GABRG3: variants seen among roughly 807,000 people sequenced by gnomAD.
GABRG3 encodes gamma-aminobutyric acid type A receptor subunit gamma3, also known as gamma-aminobutyric acid receptor subunit gamma-3.
GABRG3 carries 25 observed loss-of-function variants against 48.8 expected under a neutral mutation model. The ratio of observed to expected loss-of-function variants is 0.51; its 90% CI spans 0.37 to 0.72. GABRG3 has a LOEUF of 0.72. Ranked by LOEUF, GABRG3 falls within the 30% of genes least tolerant of loss-of-function variation. The pLI is 0.00. For missense variants in GABRG3, 394 were observed against 577.9 expected (o/e 0.68, Z 3.26); for synonymous variants, 227 against 217.6 (o/e 1.04, Z -0.38).
At chr15:27,489,391 C>A (rs1890295295) in intron 6 of GABRG3, among the ~76,000 whole-genome samples, 1 of 152,162 alleles carries the variant, frequency 6.6e-6, no homozygotes, top group Admixed American at 6.5e-5. Context: ...TGGGTATATA[C>A]CCAGTTACGG....
rs1566800842 is a variant in GABRG3 at position 27,351,874 on chromosome 15, G to GT, written c.574+22987dup. Among the ~76,000 whole-genome samples the GT allele has an allele frequency of 2.0e-5, 3 of 149,150 alleles. No individual in the cohort carries two copies. In the East Asian group the frequency reaches 6.1e-4, roughly 30 times the overall value. The stretch of plus-strand genomic sequence containing the variant: ...TGGTGTGTTTGTGTATGGTGTGTGC[G>GT]TATGTATGATGTGTGTGTATGGTGT... On this transcript the variant is annotated intron_variant, in intron 5 of 9. Transcript: ENST00000615808.
At chr15:26,992,481 A>G (rs930788819) in intron 2 of GABRG3, among the ~76,000 whole-genome samples, 4 of 152,112 alleles carry the variant, frequency 2.6e-5, no homozygotes, top group Non-Finnish European at 4.4e-5. Context: ...TGAAGTGATC[A>G]TATGTTTTTT....
chr15:27,049,182 G>A (rs540522829), intron 3 of GABRG3, among the ~76,000 whole-genome samples: 5 of 152,240 alleles, frequency 3.3e-5, no homozygotes, highest in Non-Finnish European at 7.3e-5. Context: ...GTGCGTAACC[G>A]TTTTTGATTA....
In GABRG3 at chr15:27,146,379, C is replaced by G. The variant is rs562463534; in HGVS notation, c.270+119558C>G. Reference sequence around the variant, plus strand: ...GGCTGAGGCAGGAGAATGGCTTGAACCTGGGATGCGGAGCTTGCAGTGAGC... The same window carrying G: ...GGCTGAGGCAGGAGAATGGCTTGAAGCTGGGATGCGGAGCTTGCAGTGAGC... On this transcript the variant is annotated intron_variant, in intron 3 of 9. Transcript: ENST00000615808. Among the ~76,000 whole-genome samples the G allele has an allele frequency of 2.6e-5, 4 of 152,258 alleles. No homozygotes were observed. The South Asian group carries it at 8.3e-4, about 32-fold the overall frequency.
chr15:27,477,120 A>T (rs1380517332), intron 5 of GABRG3, among the ~76,000 whole-genome samples: 1 of 152,192 alleles, frequency 6.6e-6, no homozygotes, highest in Non-Finnish European at 1.5e-5. Context: ...ATCCACAAAA[A>T]ACTTGCACCT....
intron 3 of GABRG3, among the ~76,000 whole-genome samples, chr15:27,076,209 TGGCAGGTGGAAAGTGATGTCCCCC>T (rs1293619068): frequency 1.3e-5 from 2 of 152,094 alleles, no homozygotes; most frequent in Non-Finnish European, 2.9e-5. Flanking sequence ...CCCAGTCCTT[TGGCAGGTGGAAAGTGATGTCCCCC>T]AAAACATCCA....
At chr15:27,070,122 C>A (rs568785047) in intron 3 of GABRG3, among the ~76,000 whole-genome samples, 8 of 152,346 alleles carry the variant, frequency 5.3e-5, no homozygotes, top group South Asian at 2.1e-4. Flanking sequence ...AGTCCTCCCC[C>A]ACGTGAGGAC....
chr15:27,068,277 T>G (rs1896771688), intron 3 of GABRG3, among the ~76,000 whole-genome samples: 1 of 152,204 alleles, frequency 6.6e-6, no homozygotes, highest in South Asian at 2.1e-4. Flanking sequence ...AGCCAGGTGC[T>G]GGGGGAGATG....
chr15:27,392,011 A>AAATT (rs2140577338), intron 5 of GABRG3, among the ~76,000 whole-genome samples: 1 of 152,336 alleles, frequency 6.6e-6, no homozygotes, highest in African/African-American at 2.4e-5. Flanking sequence ...TTGCTGTGAC[A>AAATT]TATACCACTG....
chr15:27,216,733 C>A (rs74921282), intron 3 of GABRG3, among the ~76,000 whole-genome samples: 1 of 103,898 alleles, frequency 9.6e-6, no homozygotes. Context: ...CAATTCATTT[C>A]TTTTTTTTTT....
In GABRG3 at chr15:27,538,586, G is replaced by T. The variant is rs180830016; in HGVS notation, c.*5705G>T. The T allele has an allele frequency of 6.6e-6, 1 of 152,222 alleles. No individual in the cohort carries two copies. The highest frequency in any genetic ancestry group is 2.4e-5 in the African/African-American group (1 of 41,450). The allele number at this position is 152,222 out of a possible 1,614,324, so 9.4% of individuals were successfully genotyped here. A position where few individuals can be genotyped will look rare whatever the true frequency, so the allele number is the denominator to read the frequency against. On this transcript the variant is annotated 3_prime_UTR_variant, in exon 10 of 10. Transcript: ENST00000615808. Reference sequence around the variant, plus strand: ...CAGTGAGCAGGCTACACAATGTGAGGATGATAATGGTTCCTGCAGGGAAGC... The same window carrying T: ...CAGTGAGCAGGCTACACAATGTGAGTATGATAATGGTTCCTGCAGGGAAGC...
chr15:27,334,925 C>A (rs1893914920), intron 5 of GABRG3, among the ~76,000 whole-genome samples: 1 of 152,116 alleles, frequency 6.6e-6, no homozygotes, highest in Non-Finnish European at 1.5e-5. Context: ...TTTGGTCTAC[C>A]AAAAGCTTGT....
Position 27,532,694 on chromosome 15 carries a change from A to G in GABRG3, c.1217A>G (p.Tyr406Cys), listed in dbSNP as rs768156599. The change falls in exon 10 of 10, where the codon TAT becomes TGT. Residue 406 changes from tyrosine (Y) to cysteine (C), a missense_variant. Tyr to Cys is a radical substitution (Grantham distance 194). Around this residue, in one of 3 missense-constraint regions of GABRG3, gnomAD observed 126 missense variants for 155.5 expected, o/e 0.81. Coordinates refer to ENST00000615808, the MANE Select transcript of GABRG3 (RefSeq NM_033223.5). ...CAGGAATTTGAAGATACCTGTGTCT[A>G]TGAGTGTCTGGATGGCAAAGACTGT... ...YWQEFEDTCV[Y>C]ECLDGKDCQS... 26 of 1,613,882 alleles carry G rather than the reference A, an allele frequency of 1.6e-5. No homozygotes were observed. The Admixed American group carries it at 1.7e-4, about 10-fold the overall frequency.
At chr15:27,274,603 C>G (rs930729935) in intron 3 of GABRG3, among the ~76,000 whole-genome samples, 4 of 152,132 alleles carry the variant, frequency 2.6e-5, no homozygotes, top group African/African-American at 7.2e-5. Flanking sequence ...TTCCATACCA[C>G]CACACTGGGG....
chr15:27,509,644 G>A (rs1439345874), intron 6 of GABRG3, among the ~76,000 whole-genome samples: 2 of 152,108 alleles, frequency 1.3e-5, no homozygotes, highest in East Asian at 1.9e-4. Context: ...TCAAAAGCAT[G>A]CTTAACCTCT....
At chr15:27,253,859 A>G (rs1375953498) in intron 3 of GABRG3, among the ~76,000 whole-genome samples, 1 of 152,228 alleles carries the variant, frequency 6.6e-6, no homozygotes, top group Non-Finnish European at 1.5e-5. Flanking sequence ...CTTTATTTTC[A>G]GCTTCTCGCA....
At chr15:27,036,605 G>T (rs780708875) in intron 3 of GABRG3, among the ~76,000 whole-genome samples, 1 of 152,078 alleles carries the variant, frequency 6.6e-6, no homozygotes, top group Non-Finnish European at 1.5e-5. Context: ...CAGGAGAATC[G>T]CTTGAACCTG....
At chr15:27,326,648 A>G (rs1402252825) in intron 3 of GABRG3, among the ~76,000 whole-genome samples, 161 bp from the exon 4 acceptor site, 1 of 152,242 alleles carries the variant, frequency 6.6e-6, no homozygotes, top group East Asian at 1.9e-4. Flanking sequence ...ATTGGTCATC[A>G]TTCACTGAGT....
At chr15:27,097,642 C>T (rs763111350) in intron 3 of GABRG3, among the ~76,000 whole-genome samples, 12 of 152,054 alleles carry the variant, frequency 7.9e-5, no homozygotes, top group Non-Finnish European at 1.3e-4. Flanking sequence ...TTAACTGGTG[C>T]GATTCTGTCT....
Sources: allele counts gnomAD v4.1 joint callset (sites outside exome capture counted in the v4.1 genomes callset), GRCh38; gene constraint gnomAD v4.1.1; regional missense constraint gnomAD v4.1.1; transcripts MANE v1.5; gene names NCBI Gene and HGNC (gene_info 2026-07-23, HGNC 2026-07-21).